Variants in BFSP1 observed in about 807,000 individuals in gnomAD.
The protein encoded by BFSP1 is beaded filament structural protein 1, also known as filensin.
Under a neutral mutation model 43.9 loss-of-function variants are expected in BFSP1, and 38 were observed. The ratio of observed to expected loss-of-function variants is 0.87; its 90% CI spans 0.67 to 1.14. The LOEUF (loss-of-function observed/expected upper bound fraction) is 1.14. BFSP1 is among the 50% of genes most tolerant of loss of function. The probability of loss-of-function intolerance (pLI) is 0.00; values close to 1 mark genes in which losing one functional copy is unlikely to be tolerated. For missense variants in BFSP1, 850 were observed against 875.1 expected, an observed-to-expected ratio of 0.97 and a Z score of 0.36; for synonymous variants, 352 against 354.8, an observed-to-expected ratio of 0.99 and a Z score of 0.09.
chr20:17,520,122 G>A (rs1421454555), intron 2 of BFSP1, among the ~76,000 whole-genome samples: 1 of 152,114 alleles, frequency 6.6e-6, no homozygotes, highest in African/African-American at 2.4e-5. Flanking sequence ...ACCTGGGAAC[G>A]GATCAGAAAT....
intron 4 of BFSP1, among the ~76,000 whole-genome samples, chr20:17,511,202 G>C (rs183349997): frequency 1.3e-5 from 2 of 152,312 alleles, no homozygotes; most frequent in East Asian, 3.9e-4. Flanking sequence ...AGCAGCTAGA[G>C]AGTCAAATGA....
At chr20:17,497,459 T>TACAC (rs34512937) in intron 6 of BFSP1, among the ~76,000 whole-genome samples, 18,874 of 144,686 alleles carry the variant, frequency 0.13, 1,288 homozygotes, top group East Asian at 0.16. Context: ...TATATATATA[T>TACAC]ACACACACAC....
upstream of BFSP1, among the ~76,000 whole-genome samples, chr20:17,533,328 G>T (rs181658886): frequency 6.6e-6 from 1 of 152,124 alleles, no homozygotes; most frequent in Non-Finnish European, 1.5e-5. Flanking sequence ...GCTTCCTCAC[G>T]AGAGCAAAAC....
chr20:17,553,834 T>TAC (rs1568717995), intron 1 of BFSP1, among the ~76,000 whole-genome samples: 1 of 85,104 alleles, frequency 1.2e-5, no homozygotes, highest in Non-Finnish European at 2.1e-5. Context: ...CATATATATA[T>TAC]ATACACATAT....
intron 1 of BFSP1, among the ~76,000 whole-genome samples, chr20:17,541,815 G>A (rs2034723167): frequency 6.6e-6 from 1 of 152,216 alleles, no homozygotes; most frequent in Non-Finnish European, 1.5e-5. Flanking sequence ...GTCTAAACCA[G>A]AGCCACAGAG....
In BFSP1 at chr20:17,525,206, T is replaced by C. The variant is rs1418631543; in HGVS notation, c.378-298A>G. Among the ~76,000 whole-genome samples, 1 of 152,074 alleles carries C rather than the reference T, an allele frequency of 6.6e-6. No individual in the cohort carries two copies. The highest frequency in any genetic ancestry group is 1.9e-4 in the East Asian group (1 of 5,188). ...GCCTTATTCCCAGCCACCCCAAGGA[T>C]GAGGGAATTATATCCTAGCCTATCT... On this transcript the variant is annotated intron_variant, in intron 1 of 7. Coordinates refer to ENST00000377873, the MANE Select transcript of BFSP1 (RefSeq NM_001195.5). The surrounding 1 kb of genome is among the most constrained non-coding windows in gnomAD (Gnocchi z 4.2).
At chr20:17,500,047 C>G (rs1180776803) in intron 5 of BFSP1, among the ~76,000 whole-genome samples, 1 of 152,184 alleles carries the variant, frequency 6.6e-6, no homozygotes, top group Non-Finnish European at 1.5e-5. Context: ...GAAGCACATA[C>G]TAAATAGATA....
In BFSP1 at chr20:17,507,338, T is replaced by G. The variant is rs1030917151; in HGVS notation, c.735+1551A>C. ...ACATATCCATATGGATATAGAGAGATAAAACAAGGGCTTCACAAAACAAAT... is the reference window on the plus strand; with the variant it reads ...ACATATCCATATGGATATAGAGAGAGAAAACAAGGGCTTCACAAAACAAAT... On this transcript the variant is annotated intron_variant, in intron 5 of 7. Transcript: ENST00000377873. This position sits in a 1 kb window ranked among gnomAD's most constrained non-coding sequence, Gnocchi z 4.4. Among the ~76,000 whole-genome samples, 7 of 151,590 alleles carry G rather than the reference T, an allele frequency of 4.6e-5. No homozygotes were observed. Among genetic ancestry groups the G allele is most frequent in the Non-Finnish European group, 8.8e-5 (6 of 67,950 alleles).
In BFSP1 at chr20:17,531,289, T is replaced by G; in HGVS notation, c.41A>C (p.Gln14Pro). 1 of 1,474,000 alleles carries G rather than the reference T, an allele frequency of 6.8e-7. No individual in the cohort carries two copies. The highest frequency in any genetic ancestry group is 2.9e-5 in the East Asian group (1 of 34,720). The allele number at this position is 1,474,000 out of a possible 1,614,324, so 91.3% of individuals were successfully genotyped here. Residue 14 changes from glutamine (Q) to proline (P), a missense_variant, in exon 1 of 8, where the codon CAG becomes CCG. Transcript: ENST00000377873. ...CGAAGCCTCGTCGGCGTGCTCGTAC[T>G]GCTCCTTGCGGGTCTGGAAGACGTA... is the stretch of plus-strand genomic sequence containing the variant. Reference protein sequence around the residue: ...RSYVFQTRKEQYEHADEASRA... With the variant: ...RSYVFQTRKEPYEHADEASRA...
intron 1 of BFSP1, among the ~76,000 whole-genome samples, chr20:17,537,959 A>C (rs1336646757): frequency 2.0e-5 from 3 of 151,914 alleles, no homozygotes; most frequent in Non-Finnish European, 4.4e-5. Context: ...CTCTACCCCC[A>C]AAAATACAAA....
intron 4 of BFSP1, among the ~76,000 whole-genome samples, chr20:17,511,002 G>T (rs1025449698): frequency 8.5e-5 from 13 of 152,246 alleles, no homozygotes; most frequent in African/African-American, 2.6e-4. Flanking sequence ...TTTAGAGATG[G>T]GGTCTTGCTA....
chr20:17,568,026 A>T (rs752251882), intron 1 of BFSP1, among the ~76,000 whole-genome samples: 1 of 151,880 alleles, frequency 6.6e-6, no homozygotes, highest in African/African-American at 2.4e-5. Flanking sequence ...GCGAAGGGTG[A>T]TAGGAACATC....
In BFSP1 at chr20:17,509,003, A is replaced by T; in HGVS notation, c.628-7T>A. 1 of 1,550,400 alleles carries T rather than the reference A, an allele frequency of 6.4e-7. No homozygotes were observed. The highest frequency in any genetic ancestry group is 8.7e-7 in the Non-Finnish European group (1 of 1,149,256). On this transcript the variant is annotated splice_region_variant and splice_polypyrimidine_tract_variant and intron_variant, in intron 4 of 7. Coordinates refer to ENST00000377873, the MANE Select transcript of BFSP1 (RefSeq NM_001195.5). ...GCTCCGTCAGGAGCTTCTCCTGCAC[A>T]GAGAAGGCCAGAGTCAGACTCATGG... is the stretch of plus-strand genomic sequence containing the variant.
intron 1 of BFSP1, among the ~76,000 whole-genome samples, chr20:17,526,463 GTCT>G (rs888535625): frequency 9.9e-5 from 15 of 152,224 alleles, no homozygotes; most frequent in Admixed American, 5.2e-4. Flanking sequence ...TTAGCATAAT[GTCT>G]TCAAGTTTCA....
chr20:17,559,106 G>A (rs1488296446), upstream of BFSP1: 2 of 173,870 alleles, frequency 1.2e-5, no homozygotes, highest in Non-Finnish European at 2.4e-5. Flanking sequence ...TACACGTAAG[G>A]ATGTTGAAGC....
chr20:17,511,964 T>C lies in BFSP1; in HGVS notation c.627+12A>G, dbSNP rs765855426. ...CCAGGGCTGGTTTGCCTTTTCCTGCTTCAATTCTTACCTCCCTCATCCCAC... is the reference window on the plus strand; with the variant it reads ...CCAGGGCTGGTTTGCCTTTTCCTGCCTCAATTCTTACCTCCCTCATCCCAC... On this transcript the variant is annotated intron_variant, in intron 4 of 7. Coordinates refer to ENST00000377873, the MANE Select transcript of BFSP1 (RefSeq NM_001195.5). 1.3e-5 allele frequency: 21 copies of C among 1,589,538 alleles called. No individual in the cohort carries two copies. The highest frequency in any genetic ancestry group is 1.7e-5 in the Non-Finnish European group (20 of 1,158,022).
intron 7 of BFSP1, among the ~76,000 whole-genome samples, chr20:17,495,674 C>T (rs1333096807): frequency 6.6e-6 from 1 of 152,184 alleles, no homozygotes; most frequent in African/African-American, 2.4e-5. Context: ...GAATCCCCTG[C>T]CCCAAGTCCA....
In BFSP1 at chr20:17,514,810, C is replaced by T. The variant is rs916239618; in HGVS notation, c.445G>A (p.Asp149Asn). Residue 149 changes from aspartate to asparagine, a missense_variant, in exon 3 of 8, where the codon GAT becomes AAT. Coordinates refer to ENST00000377873, the MANE Select transcript of BFSP1 (RefSeq NM_001195.5). ...CGTAGGTTATGCAGCAAGGCTTCATCAGCTTCCTGCAATGAGAGCCACATA... is the reference window on the plus strand; with the variant it reads ...CGTAGGTTATGCAGCAAGGCTTCATTAGCTTCCTGCAATGAGAGCCACATA... ...EMLERLNKEA[D>N]EALLHNLRLQ... The T allele has an allele frequency of 5.0e-6, 8 of 1,613,440 alleles. No individual in the cohort carries two copies. The highest frequency in any genetic ancestry group is 6.8e-6 in the Non-Finnish European group (8 of 1,179,780).
At chr20:17,552,610 G>A (rs535196630) in intron 1 of BFSP1, among the ~76,000 whole-genome samples, 32 of 152,302 alleles carry the variant, frequency 2.1e-4, no homozygotes, top group African/African-American at 7.7e-4. Flanking sequence ...CAGTTTAGAG[G>A]TGATGGTGAG....
Sources: allele counts gnomAD v4.1 joint callset (sites outside exome capture counted in the v4.1 genomes callset), GRCh38; gene constraint gnomAD v4.1.1; non-coding constraint Gnocchi (gnomAD v3.1); transcripts MANE v1.5; gene names NCBI Gene and HGNC (gene_info 2026-07-23, HGNC 2026-07-21).